The following FGD3 variants were observed in gnomAD, a reference collection of about 807,000 sequenced individuals.
The protein encoded by FGD3 is FYVE, RhoGEF and PH domain-containing protein 3.
FGD3 carries 45 observed loss-of-function variants against 71.8 expected under a neutral mutation model. That is an observed-to-expected ratio of 0.63 (90% CI 0.49 to 0.80). The LOEUF (loss-of-function observed/expected upper bound fraction) is 0.80, where lower values mean the gene tolerates loss of function less well. Ranked by LOEUF, FGD3 falls within the 30% of genes least tolerant of loss-of-function variation. FGD3 has a pLI of 0.00. For missense variants in FGD3, 844 were observed against 951.5 expected, an observed-to-expected ratio of 0.89 and a Z score of 1.49; for synonymous variants, 378 against 392.8, an observed-to-expected ratio of 0.96 and a Z score of 0.44.
intron 1 of FGD3, among the ~76,000 whole-genome samples, chr9:92,960,391 A>G (rs1859148153): frequency 6.6e-6 from 1 of 152,074 alleles, no homozygotes; most frequent in South Asian, 2.1e-4. Flanking sequence ...CCCATAAACC[A>G]GCCCAGAGCA....
rs544118728 is a variant in FGD3 at position 92,990,595 on chromosome 9, T to G, written c.454-12330T>G. On this transcript the variant is annotated intron_variant, in intron 3 of 17. Transcript: ENST00000375482. ...CTTTATTATTTTGAGGTATATTCCT[T>G]CTATACCTAGTTTGTTGAGGGCGTT... Among the ~76,000 whole-genome samples, 9 of 152,354 alleles carry G rather than the reference T, an allele frequency of 5.9e-5. No homozygotes were observed. The South Asian group carries it at 1.7e-3, about 28-fold the overall frequency.
In FGD3 at chr9:93,004,069, C is replaced by G. The variant is rs1247247227; in HGVS notation, c.612C>G (p.Ile204Met). The G allele has an allele frequency of 6.2e-7, 1 of 1,614,212 alleles. No individual in the cohort carries two copies. The part of the protein sequence containing the change: ...PEVIMGIFSN[I>M]SSIHRFHGQF... Reference sequence around the variant, plus strand: ...TCATCATGGGCATATTCTCTAACATCTCCTCCATCCACCGCTTCCACGGGC... The same window carrying G: ...TCATCATGGGCATATTCTCTAACATGTCCTCCATCCACCGCTTCCACGGGC... Residue 204 changes from isoleucine to methionine, a missense_variant, in exon 5 of 18, where the codon ATC becomes ATG. Coordinates refer to ENST00000375482, the MANE Select transcript of FGD3 (RefSeq NM_001083536.2).
chr9:93,022,418 G>A (rs1861957923), intron 14 of FGD3, 29 bp downstream of exon 14: 2 of 1,608,176 alleles, frequency 1.2e-6, no homozygotes, highest in East Asian at 4.5e-5. Flanking sequence ...GCGGTCAGCA[G>A]GGGTGAAAGG....
chr9:92,978,732 CCTCCCCTCCCCCATCCCCCCTCCA>C, intron 3 of FGD3, among the ~76,000 whole-genome samples: 1 of 41,324 alleles, frequency 2.4e-5, no homozygotes, highest in Admixed American at 2.4e-4. Flanking sequence ...ACCCCCCTCC[CCTCCCCTCCCCCATCCCCCCTCCA>C]CTCCTCTCTG....
chr9:92,994,387 A>G (rs1860546599), intron 3 of FGD3, among the ~76,000 whole-genome samples: 2 of 152,144 alleles, frequency 1.3e-5, no homozygotes, highest in African/African-American at 2.4e-5. Context: ...AGATGGGTAG[A>G]TTGCAAAAAT....
At chr9:92,949,142 G>C (rs1050748812) in intron 1 of FGD3, among the ~76,000 whole-genome samples, 1 of 152,136 alleles carries the variant, frequency 6.6e-6, no homozygotes, top group Non-Finnish European at 1.5e-5. Context: ...CACATGATCT[G>C]GGGGAGGTCA....
At chr9:93,011,392 A>G (rs557463061) in intron 8 of FGD3, 120 bp downstream of exon 8, 3 of 1,217,116 alleles carry the variant, frequency 2.5e-6, no homozygotes, top group Non-Finnish European at 3.6e-6. Flanking sequence ...TGACTCTTTT[A>G]TACCTCCTTC....
chr9:92,972,449 T>G (rs986985868), intron 1 of FGD3, among the ~76,000 whole-genome samples: 1 of 126,908 alleles, frequency 7.9e-6, no homozygotes, highest in East Asian at 2.2e-4. Context: ...CGAGACTCCA[T>G]CTCAAAAAAA....
At chr9:92,949,577 C>CA in intron 1 of FGD3, among the ~76,000 whole-genome samples, 1 of 152,150 alleles carries the variant, frequency 6.6e-6, no homozygotes, top group Non-Finnish European at 1.5e-5. Flanking sequence ...GAGGGATATC[C>CA]AGCAGCCTTC....
intron 1 of FGD3, among the ~76,000 whole-genome samples, chr9:92,959,116 T>G (rs1265979489): frequency 6.6e-6 from 1 of 152,070 alleles, no homozygotes; most frequent in Non-Finnish European, 1.5e-5. Context: ...CCTGCCGCCA[T>G]GCCTGGCTAA....
At chr9:92,957,789 C>G (rs566880249) in intron 1 of FGD3, among the ~76,000 whole-genome samples, 14 of 147,834 alleles carry the variant, frequency 9.5e-5, no homozygotes, top group African/African-American at 3.0e-4. Context: ...TCAAGTGATT[C>G]TCCTGCCTCA....
chr9:92,963,146 T>G (rs2118523299), intron 1 of FGD3, among the ~76,000 whole-genome samples: 1 of 152,084 alleles, frequency 6.6e-6, no homozygotes, highest in East Asian at 1.9e-4. Flanking sequence ...GGCACACCAC[T>G]GTGTCCTGAG....
intron 15 of FGD3, chr9:93,032,356 A>G (rs561599091): frequency 5.3e-6 from 1 of 190,076 alleles, no homozygotes; most frequent in Admixed American, 5.3e-5. Flanking sequence ...TGCCAACACT[A>G]TTTTCTTTTT....
intron 5 of FGD3, 68 bp from the exon 6 acceptor site, chr9:93,005,956 C>A (rs1861033688): frequency 6.6e-7 from 1 of 1,510,752 alleles, no homozygotes; most frequent in Non-Finnish European, 8.9e-7. Context: ...TGGTGGAGTT[C>A]ATGTCCACTA....
rs900399025 is a variant in FGD3 at position 93,003,424 on chromosome 9, C to T, written c.543+410C>T. Among the ~76,000 whole-genome samples the T allele has an allele frequency of 6.6e-6, 1 of 152,228 alleles. No individual in the cohort carries two copies. The highest frequency in any genetic ancestry group is 2.4e-5 in the African/African-American group (1 of 41,446). ...GATTACAGGCGTGAGCCACCACGCC[C>T]GTCCTAGAAACTTATTTTTTGTTTT... On this transcript the variant is annotated intron_variant, in intron 4 of 17. Coordinates refer to ENST00000375482, the MANE Select transcript of FGD3 (RefSeq NM_001083536.2). The surrounding 1 kb of genome is among the most constrained non-coding windows in gnomAD (Gnocchi z 4.1).
At chr9:93,008,268 C>A (rs556299877) in intron 6 of FGD3, among the ~76,000 whole-genome samples, 3 of 152,326 alleles carry the variant, frequency 2.0e-5, no homozygotes, top group African/African-American at 7.2e-5. Context: ...GCACAGTGAT[C>A]AAAATCGGGG....
intron 11 of FGD3, 135 bp downstream of exon 11, chr9:93,018,350 C>A: frequency 1.3e-6 from 1 of 763,060 alleles, no homozygotes; most frequent in Non-Finnish European, 2.1e-6. Flanking sequence ...ACCAGGGTTC[C>A]GTCTATGTCC....
At chr9:92,975,685 C>T (rs1331582215) in intron 2 of FGD3, among the ~76,000 whole-genome samples, 1 of 152,122 alleles carries the variant, frequency 6.6e-6, no homozygotes, top group East Asian at 1.9e-4. Context: ...GCAAGACGCA[C>T]CTCCTGCCCC....
At chr9:93,010,523 C>CAGAGAA in intron 7 of FGD3, 139 bp downstream of exon 7, 1 of 869,568 alleles carries the variant, frequency 1.2e-6, no homozygotes, top group Non-Finnish European at 1.6e-6. Flanking sequence ...GGGAAAGAGA[C>CAGAGAA]AGAGACAGAG....
Sources: allele counts gnomAD v4.1 joint callset (sites outside exome capture counted in the v4.1 genomes callset), GRCh38; gene constraint gnomAD v4.1.1; non-coding constraint Gnocchi (gnomAD v3.1); transcripts MANE v1.5; gene names NCBI Gene and HGNC (gene_info 2026-07-23, HGNC 2026-07-21).